SLC47A1: variants seen among roughly 807,000 people sequenced by gnomAD.
The protein encoded by SLC47A1 is multidrug and toxin extrusion protein 1.
Under a neutral mutation model 65.8 loss-of-function variants are expected in SLC47A1, and 58 were observed. The observed-to-expected ratio is 0.88, with a 90% CI of 0.71 to 1.10. The LOEUF is 1.10. Among genes scored for constraint, SLC47A1 ranks in the 50% least tolerant of loss-of-function variants. The pLI is 0.00. For synonymous variants in SLC47A1, 285 were observed against 295.0 expected, an observed-to-expected ratio of 0.97 and a Z score of 0.35; for missense variants, 706 against 719.2, an observed-to-expected ratio of 0.98 and a Z score of 0.21.
chr17:19,546,005 G>A (rs766806778), intron 2 of SLC47A1, among the ~76,000 whole-genome samples: 2 of 151,934 alleles, frequency 1.3e-5, no homozygotes, highest in Non-Finnish European at 2.9e-5. Context: ...GGTGGATCAC[G>A]AGGTCAAGAG....
intron 12 of SLC47A1, among the ~76,000 whole-genome samples, chr17:19,562,786 A>G (rs1484339869): frequency 6.6e-6 from 1 of 152,140 alleles, no homozygotes; most frequent in Non-Finnish European, 1.5e-5. Flanking sequence ...CCCACAAACT[A>G]TAGAACTGAC....
At chr17:19,557,612 A>G (rs769300789) in intron 10 of SLC47A1, 3 of 517,850 alleles carry the variant, frequency 5.8e-6, no homozygotes, top group South Asian at 4.2e-5. Flanking sequence ...CCCATGGGTG[A>G]CCCTGGGAAC....
chr17:19,573,808 G>A (rs1424025195), intron 16 of SLC47A1, among the ~76,000 whole-genome samples: 1 of 152,080 alleles, frequency 6.6e-6, no homozygotes, highest in African/African-American at 2.4e-5. Context: ...TGGACACTGA[G>A]GGTGACCAGC....
chr17:19,546,334 C>A, intron 2 of SLC47A1, 101 bp from the exon 3 acceptor site: 1 of 1,184,012 alleles, frequency 8.4e-7, no homozygotes, highest in Non-Finnish European at 1.2e-6. Context: ...CTTGTGAATG[C>A]TGAAGGAGGA....
intron 4 of SLC47A1, 127 bp from the exon 5 acceptor site, chr17:19,549,508 A>T: frequency 1.0e-6 from 1 of 989,988 alleles, no homozygotes; most frequent in Non-Finnish European, 1.6e-6. Context: ...CCAGCAACTT[A>T]AGCCCATTAA....
chr17:19,551,218 A>G (rs1916436733), intron 5 of SLC47A1, among the ~76,000 whole-genome samples: 1 of 152,174 alleles, frequency 6.6e-6, no homozygotes, highest in Admixed American at 6.5e-5. Flanking sequence ...TGCTTGGGGC[A>G]TATGCACCCA....
chr17:19,553,369 A>G (rs1916508345), intron 6 of SLC47A1, among the ~76,000 whole-genome samples: 1 of 152,020 alleles, frequency 6.6e-6, no homozygotes, highest in Admixed American at 6.6e-5. Flanking sequence ...TTCCATCGCA[A>G]TGGGTGGAAT....
chr17:19,551,412 G>C lies in SLC47A1; in HGVS notation c.499-12G>C, dbSNP rs2247437. The C allele has an allele frequency of 0.18, 282,283 of 1,572,082 alleles. 27,564 individuals carry two copies. The highest frequency in any genetic ancestry group is 0.35 in the East Asian group (15,409 of 44,480). The stretch of plus-strand genomic sequence containing the variant: ...TGAAACATTAACATTCATCTCTCTT[G>C]TTCTCTTGTAGGCAACCTTTCTTTA... On this transcript the variant is annotated splice_polypyrimidine_tract_variant and intron_variant, in intron 5 of 16. Transcript: ENST00000270570.
chr17:19,556,002 C>T lies in SLC47A1; in HGVS notation c.861C>T (p.Leu287=), dbSNP rs138282585. 1.7e-4 allele frequency: 276 copies of T among 1,614,156 alleles called. No homozygotes were observed. The African/African-American group carries it at 3.4e-3, about 20-fold the overall frequency. ...GCTGTCTTTCTTCACCAGGCATCCT[C>T]GGCATGGTGGAGCTGGGCGCTCAGT... ...YEVGSFLSGI[L]GMVELGAQSI... is the part of the protein sequence containing the mutation. The change falls in exon 10 of 17, where the codon CTC becomes CTT. Residue 287 remains leucine (L), a synonymous_variant. Transcript: ENST00000270570.
intron 14 of SLC47A1, 45 bp downstream of exon 14, chr17:19,567,273 C>T (rs780376327): frequency 6.2e-7 from 1 of 1,612,192 alleles, no homozygotes; most frequent in Non-Finnish European, 8.5e-7. Flanking sequence ...CTCACCAGCC[C>T]AGGAAATGAC....
intron 1 of SLC47A1, among the ~76,000 whole-genome samples, chr17:19,541,800 T>C (rs1311738234): frequency 6.6e-6 from 1 of 152,172 alleles, no homozygotes; most frequent in Non-Finnish European, 1.5e-5. Flanking sequence ...GGAAATTTAA[T>C]GTGATCTATG....
intron 12 of SLC47A1, among the ~76,000 whole-genome samples, chr17:19,566,190 AT>A (rs1415675519): frequency 3.3e-5 from 5 of 152,210 alleles, no homozygotes; most frequent in Non-Finnish European, 5.9e-5. Context: ...ATCATAATGT[AT>A]TTGTGTATAA....
At chr17:19,570,498 A>G (rs1324973114) in intron 14 of SLC47A1, among the ~76,000 whole-genome samples, 1 of 152,014 alleles carries the variant, frequency 6.6e-6, no homozygotes, top group Non-Finnish European at 1.5e-5. Context: ...GGTTAGGGGG[A>G]TGTATTTTAC....
At chr17:19,560,626 C>T in intron 12 of SLC47A1, 133 bp downstream of exon 12, 3 of 888,644 alleles carry the variant, frequency 3.4e-6, no homozygotes, top group Non-Finnish European at 5.5e-6. Context: ...GAAAACATCT[C>T]ACTCACACCT....
chr17:19,538,111 C>T (rs1916044213), intron 1 of SLC47A1, among the ~76,000 whole-genome samples: 1 of 152,234 alleles, frequency 6.6e-6, no homozygotes, highest in Non-Finnish European at 1.5e-5. Flanking sequence ...AGTCAAAATG[C>T]CTCTAAAGGA....
intron 14 of SLC47A1, among the ~76,000 whole-genome samples, chr17:19,569,580 T>C (rs1249803357): frequency 6.6e-6 from 1 of 152,194 alleles, no homozygotes; most frequent in Non-Finnish European, 1.5e-5. Context: ...ACAAGGTGTC[T>C]AGGAGAGCAT....
chr17:19,572,713 A>G (rs1250456073), intron 15 of SLC47A1, 67 bp from the exon 16 acceptor site: 1 of 1,445,630 alleles, frequency 6.9e-7, no homozygotes, highest in Admixed American at 1.7e-5. Context: ...TTCCTAAACT[A>G]GGTGGTCAAG....
chr17:19,537,277 G>C (rs998829520), intron 1 of SLC47A1, among the ~76,000 whole-genome samples: 12 of 152,220 alleles, frequency 7.9e-5, no homozygotes, highest in South Asian at 6.2e-4. Context: ...GCAGGTTGAG[G>C]GGGGTGAGGT....
At chr17:19,572,718 G>T in intron 15 of SLC47A1, 62 bp from the exon 16 acceptor site, 5 of 1,500,518 alleles carry the variant, frequency 3.3e-6, no homozygotes, top group Non-Finnish European at 4.6e-6. Context: ...AAACTAGGTG[G>T]TCAAGTAAAA....
Sources: gnomAD v4.1 joint callset for allele counts (sites outside exome capture counted in the v4.1 genomes callset) on GRCh38, gnomAD v4.1.1 for gene constraint, MANE v1.5 for transcripts, NCBI Gene and HGNC (gene_info 2026-07-23, HGNC 2026-07-21) for gene names.